Variants in HEATR5A observed in about 807,000 individuals in gnomAD.
The protein encoded by HEATR5A is HEAT repeat containing 5A.
HEATR5A carries 178 observed loss-of-function variants against 218.8 expected under a neutral mutation model. That is an observed-to-expected ratio of 0.81 (90% confidence interval 0.72 to 0.92). The LOEUF (loss-of-function observed/expected upper bound fraction) is 0.92. Among genes scored for constraint, HEATR5A ranks in the 40% least tolerant of loss-of-function variants. The probability of loss-of-function intolerance (pLI) is 0.00; values close to 1 mark genes in which losing one functional copy is unlikely to be tolerated. For synonymous variants in HEATR5A, 864 were observed against 871.6 expected (o/e 0.99, Z 0.15); for missense variants, 2,420 against 2,418.9 (o/e 1.00, Z -0.01).
chr14:31,374,301 C>A (rs1457557639), intron 12 of HEATR5A, among the ~76,000 whole-genome samples: 16 of 92,086 alleles, frequency 1.7e-4, no homozygotes, highest in African/African-American at 3.4e-4. Flanking sequence ...GACCCTATCT[C>A]AAAAAAAAAA....
intron 5 of HEATR5A, 115 bp downstream of exon 5, chr14:31,395,084 G>T: frequency 3.3e-6 from 2 of 606,508 alleles, no homozygotes; most frequent in Admixed American, 3.2e-5. Flanking sequence ...ATGTTAAAAT[G>T]AGATAGTCCT....
intron 10 of HEATR5A, among the ~76,000 whole-genome samples, chr14:31,382,433 T>C (rs1438061436): frequency 6.6e-6 from 1 of 152,172 alleles, no homozygotes; most frequent in Non-Finnish European, 1.5e-5. Context: ...AAGAAAGGAA[T>C]AATGGTGTAT....
intron 2 of HEATR5A, 119 bp downstream of exon 2, chr14:31,402,731 T>C: frequency 1.1e-6 from 1 of 918,568 alleles, no homozygotes; most frequent in Admixed American, 3.0e-5. Context: ...CATTAAGTTT[T>C]AACAAAGTCT....
At chr14:31,398,920 CACAA>C (rs1387089544) in intron 3 of HEATR5A, 139 bp from the exon 4 acceptor site, 8 of 599,696 alleles carry the variant, frequency 1.3e-5, no homozygotes, top group Non-Finnish European at 2.3e-5. Flanking sequence ...TCCTTTGAAA[CACAA>C]ACATATTTAA....
intron 1 of HEATR5A, among the ~76,000 whole-genome samples, chr14:31,403,282 C>G (rs890166149): frequency 1.3e-5 from 2 of 152,070 alleles, no homozygotes; most frequent in African/African-American, 4.8e-5. Context: ...CATTTGTATG[C>G]AAAAACTTGC....
intron 6 of HEATR5A, among the ~76,000 whole-genome samples, chr14:31,389,876 G>C (rs1379114172): frequency 3.3e-5 from 5 of 151,988 alleles, no homozygotes; most frequent in Non-Finnish European, 5.9e-5. Flanking sequence ...TAAATTCTAA[G>C]AAAAGACAGC....
chr14:31,401,490 G>A (rs1215122088), intron 2 of HEATR5A, among the ~76,000 whole-genome samples: 2 of 152,130 alleles, frequency 1.3e-5, no homozygotes, highest in African/African-American at 4.8e-5. Flanking sequence ...AAATTACCCA[G>A]TCTCAGGTAG....
intron 4 of HEATR5A, among the ~76,000 whole-genome samples, chr14:31,397,827 T>C (rs2030718153): frequency 6.6e-6 from 1 of 152,068 alleles, no homozygotes; most frequent in Admixed American, 6.6e-5. Flanking sequence ...CCCCAACTAA[T>C]TTATGTTTTT....
Position 31,321,549 on chromosome 14 carries a change from G to C in HEATR5A, c.3919C>G (p.Pro1307Ala), listed in dbSNP as rs907582689. The C allele has an allele frequency of 6.2e-7, 1 of 1,605,410 alleles. No homozygotes were observed. The highest frequency in any genetic ancestry group is 1.3e-5 in the African/African-American group (1 of 74,894). ...ACATGACCTGGAAACTCTGGTTCTG[G>C]AACAGTTGCAAATCGCCGAATAACA... is the stretch of plus-strand genomic sequence containing the variant. Reference protein sequence around the residue: ...LVVIRRFATVPEPEFPGHVIL... With the variant: ...LVVIRRFATVAEPEFPGHVIL... Residue 1307 changes from proline (P) to alanine (A), a missense_variant, in exon 25 of 36, where the codon CCA becomes GCA. Physicochemically the swap from Pro to Ala is conservative, Grantham distance 27 (BLOSUM62 -1). Coordinates refer to ENST00000543095, the MANE Select transcript of HEATR5A (RefSeq NM_015473.4).
rs1333925084 is a variant in HEATR5A at position 31,383,635 on chromosome 14, C to T, written c.1482G>A (p.Arg494=). 3.1e-6 allele frequency: 5 copies of T among 1,613,828 alleles called. No individual in the cohort carries two copies. The African/African-American group carries it at 5.3e-5, about 17-fold the overall frequency. ...LTPLLDRCLE[R]LTGHKSSPEA... ...CAGGTGAAGACTTATGTCCAGTAAG[C>T]CGTTCAAGGCAACGATCCAAGAGTG... Residue 494 remains arginine (R), a synonymous_variant, in exon 10 of 36, where the codon CGG becomes CGA. Coordinates refer to ENST00000543095, the MANE Select transcript of HEATR5A (RefSeq NM_015473.4).
At chr14:31,322,367 G>A (rs1034758799) in intron 24 of HEATR5A, among the ~76,000 whole-genome samples, 1 of 152,148 alleles carries the variant, frequency 6.6e-6, no homozygotes, top group Admixed American at 6.5e-5. Flanking sequence ...TTTTGTAACT[G>A]TAAAGTATCT....
chr14:31,301,062 T>C (rs1899354359), intron 33 of HEATR5A, among the ~76,000 whole-genome samples: 1 of 152,146 alleles, frequency 6.6e-6, no homozygotes, highest in Non-Finnish European at 1.5e-5. Flanking sequence ...GCAAAGTGGG[T>C]GGTCAATAAA....
Position 31,308,026 on chromosome 14 carries a change from G to A in HEATR5A, c.4691-6C>T. On this transcript the variant is annotated splice_region_variant and splice_polypyrimidine_tract_variant and intron_variant, in intron 29 of 35. Transcript: ENST00000543095. Reference sequence around the variant, plus strand: ...TAGAAATTCCACGCTGATTCCTGTGGAAAGCAAAAAAAGAGGAGGAGGCTT... The same window carrying A: ...TAGAAATTCCACGCTGATTCCTGTGAAAAGCAAAAAAAGAGGAGGAGGCTT... 2 of 1,587,972 alleles carry A rather than the reference G, an allele frequency of 1.3e-6. No individual in the cohort carries two copies. Among genetic ancestry groups the A allele is most frequent in the Admixed American group, 1.9e-5 (1 of 52,320 alleles).
At chr14:31,398,804 A>C (rs1157619815) in intron 3 of HEATR5A, 23 bp from the exon 4 acceptor site, 1 of 1,310,008 alleles carries the variant, frequency 7.6e-7, no homozygotes, top group East Asian at 2.5e-5. Flanking sequence ...TTAAATTAGA[A>C]ATTAGTCACA....
intron 18 of HEATR5A, among the ~76,000 whole-genome samples, chr14:31,349,491 A>G: frequency 6.6e-6 from 1 of 152,276 alleles, no homozygotes; most frequent in East Asian, 1.9e-4. Context: ...GTTTTACATT[A>G]TAAAACTGTA....
At chr14:31,326,617 C>A (rs1900275028) in intron 22 of HEATR5A, among the ~76,000 whole-genome samples, 1 of 151,860 alleles carries the variant, frequency 6.6e-6, no homozygotes, top group African/African-American at 2.4e-5. Flanking sequence ...AAAGTTTTAC[C>A]CAATTAGTGT....
intron 12 of HEATR5A, 24 bp from the exon 13 acceptor site, chr14:31,371,933 C>T: frequency 8.5e-7 from 1 of 1,172,144 alleles, no homozygotes; most frequent in Non-Finnish European, 1.2e-6. Context: ...CAGACTTTTA[C>T]TTGGGCATAC....
At chr14:31,320,797 C>T (rs1330702988) in intron 25 of HEATR5A, among the ~76,000 whole-genome samples, 1 of 152,012 alleles carries the variant, frequency 6.6e-6, no homozygotes, top group Admixed American at 6.6e-5. Flanking sequence ...CCTATGATGC[C>T]CAGACTGGAC....
chr14:31,315,970 A>T (rs1224071835), intron 26 of HEATR5A, 21 bp from the exon 27 acceptor site: 1 of 1,513,556 alleles, frequency 6.6e-7, no homozygotes, highest in Non-Finnish European at 8.9e-7. Flanking sequence ...AGAAATTAAA[A>T]GTTATATTTT....
Sources: gnomAD v4.1 joint callset for allele counts (sites outside exome capture counted in the v4.1 genomes callset) on GRCh38, gnomAD v4.1.1 for gene constraint, MANE v1.5 for transcripts, NCBI Gene and HGNC (gene_info 2026-07-23, HGNC 2026-07-21) for gene names.